EEF1AKMT2: variants seen among roughly 807,000 people sequenced by gnomAD.
The protein encoded by EEF1AKMT2 is eukaryotic translation elongation factor 1 alpha lysine methyltransferase 2.
A neutral mutation model predicts 35.8 loss-of-function variants in EEF1AKMT2; 32 were observed. The observed-to-expected ratio is 0.89, with a 90% confidence interval of 0.67 to 1.20. The LOEUF is 1.20. Among genes scored for constraint, EEF1AKMT2 ranks in the 50% most tolerant of loss-of-function variants. EEF1AKMT2 has a pLI of 0.00. For synonymous variants in EEF1AKMT2, 121 were observed against 133.7 expected, an observed-to-expected ratio of 0.91 and a Z score of 0.65; for missense variants, 330 against 347.5, an observed-to-expected ratio of 0.95 and a Z score of 0.40.
chr10:124,790,396 AATGT>A (rs1950624321), intron 1 of EEF1AKMT2, 58 bp from the exon 2 acceptor site: 1 of 1,232,046 alleles, frequency 8.1e-7, no homozygotes, highest in Non-Finnish European at 1.2e-6. Flanking sequence ...TTATGAATTA[AATGT>A]ATGTTTCTAA....
rs570264486 is a variant in EEF1AKMT2 at position 124,765,398 on chromosome 10, T to C, written c.610A>G (p.Ser204Gly). The C allele has an allele frequency of 1.4e-4, 221 of 1,613,608 alleles. 2 individuals carry two copies. In the South Asian group the frequency reaches 2.3e-3, roughly 17 times the overall value. The change falls in exon 5 of 7, where the codon AGT becomes GGT. Residue 204 changes from serine to glycine, a missense_variant. Coordinates refer to ENST00000368836, the MANE Select transcript of EEF1AKMT2 (RefSeq NM_212554.4). Reference sequence around the variant, plus strand: ...ACACCATATAGTCACTTACCTTCACTGAATTCATTTAGCAACTCTTCCTTG... The same window carrying C: ...ACACCATATAGTCACTTACCTTCACCGAATTCATTTAGCAACTCTTCCTTG... ...WTKEELLNEFSEGWSTVAGFW... is the reference protein window; with the variant it reads ...WTKEELLNEFGEGWSTVAGFW...
intron 5 of EEF1AKMT2, among the ~76,000 whole-genome samples, chr10:124,762,998 A>C (rs1439004179): frequency 3.3e-5 from 5 of 152,162 alleles, no homozygotes; most frequent in African/African-American, 4.8e-5. Context: ...TAGTGGTTGT[A>C]CTCCACTGAT....
intron 3 of EEF1AKMT2, among the ~76,000 whole-genome samples, chr10:124,787,965 T>TA (rs1950601434): frequency 6.6e-6 from 1 of 152,196 alleles, no homozygotes; most frequent in Admixed American, 6.6e-5. Flanking sequence ...ATTCCACTAC[T>TA]AAAAACATTT....
At chr10:124,774,075 C>T (rs923338609) in intron 4 of EEF1AKMT2, among the ~76,000 whole-genome samples, 4 of 152,078 alleles carry the variant, frequency 2.6e-5, no homozygotes, top group African/African-American at 9.7e-5. Flanking sequence ...CATTTAAAAC[C>T]TTTTGATGTG....
chr10:124,777,340 TAC>T (rs1293476736), intron 3 of EEF1AKMT2, among the ~76,000 whole-genome samples: 3 of 148,728 alleles, frequency 2.0e-5, no homozygotes, highest in South Asian at 2.1e-4. Flanking sequence ...ATGTAACACA[TAC>T]ACACACACAG....
At chr10:124,762,594 A>C in intron 5 of EEF1AKMT2, 36 bp from the exon 6 acceptor site, 12 of 1,062,696 alleles carry the variant, frequency 1.1e-5, no homozygotes, top group Non-Finnish European at 1.4e-5. Flanking sequence ...CGTTTCAAAA[A>C]CAGAAATAAA....
intron 4 of EEF1AKMT2, among the ~76,000 whole-genome samples, chr10:124,769,054 C>T (rs1950404541): frequency 6.7e-6 from 1 of 148,550 alleles, no homozygotes; most frequent in Non-Finnish European, 1.5e-5. Flanking sequence ...CATGACAAAA[C>T]CCCATCTCTA....
intron 2 of EEF1AKMT2, among the ~76,000 whole-genome samples, chr10:124,789,463 A>G (rs541831892): frequency 7.2e-5 from 11 of 152,332 alleles, no homozygotes; most frequent in African/African-American, 1.4e-4. Flanking sequence ...GCTGTCATCA[A>G]ACGTAAATGT....
chr10:124,762,269 A>T, intron 6 of EEF1AKMT2, 31 bp downstream of exon 6: 2 of 1,062,132 alleles, frequency 1.9e-6, no homozygotes, highest in Non-Finnish European at 2.3e-6. Flanking sequence ...TTTTGCTTTT[A>T]AAAAATAAAT....
chr10:124,772,420 CTTTTTTTTTTTT>C (rs59707540), intron 4 of EEF1AKMT2, among the ~76,000 whole-genome samples: 7 of 75,408 alleles, frequency 9.3e-5, no homozygotes, highest in East Asian at 9.9e-4. Flanking sequence ...TTTTCTTTTT[CTTTTTTTTTTTT>C]TTTTTTTTTT....
At chr10:124,757,114 T>G (rs1170484278), downstream of EEF1AKMT2, among the ~76,000 whole-genome samples, 1 of 151,326 alleles carries the variant, frequency 6.6e-6, no homozygotes, top group African/African-American at 2.4e-5. Context: ...CAGCCTTCAT[T>G]CAGTGAAATG....
chr10:124,780,679 GA>G (rs142265460), intron 3 of EEF1AKMT2, among the ~76,000 whole-genome samples: 23 of 145,676 alleles, frequency 1.6e-4, no homozygotes, highest in Non-Finnish European at 2.1e-4. Flanking sequence ...CAGTAATACA[GA>G]AAAAAAAAAT....
chr10:124,771,697 A>T (rs988879404), intron 4 of EEF1AKMT2, among the ~76,000 whole-genome samples: 5 of 151,828 alleles, frequency 3.3e-5, no homozygotes, highest in Non-Finnish European at 5.9e-5. Flanking sequence ...GTGAAACCCC[A>T]TCTCTACTAA....
chr10:124,777,512 A>T (rs926352826), intron 3 of EEF1AKMT2, among the ~76,000 whole-genome samples: 10 of 151,040 alleles, frequency 6.6e-5, no homozygotes, highest in Non-Finnish European at 1.0e-4. Flanking sequence ...GTATCTGTGT[A>T]CCTAAAGATT....
At chr10:124,782,211 G>C (rs1377691367) in intron 3 of EEF1AKMT2, among the ~76,000 whole-genome samples, 2 of 152,106 alleles carry the variant, frequency 1.3e-5, no homozygotes, top group Non-Finnish European at 2.9e-5. Context: ...AAAAACAGAG[G>C]TAAGGCCAGG....
intron 4 of EEF1AKMT2, among the ~76,000 whole-genome samples, chr10:124,771,106 T>C (rs549808475): frequency 7.2e-6 from 1 of 138,376 alleles, no homozygotes; most frequent in South Asian, 2.2e-4. Flanking sequence ...TTCTTTTTTC[T>C]TTTTTTTTTT....
intron 3 of EEF1AKMT2, among the ~76,000 whole-genome samples, chr10:124,782,804 ACT>A (rs1183771930): frequency 1.7e-5 from 2 of 116,326 alleles, no homozygotes; most frequent in African/African-American, 3.3e-5. Context: ...CATGAGTGAA[ACT>A]CTGTCTCAAA....
intron 3 of EEF1AKMT2, among the ~76,000 whole-genome samples, chr10:124,783,767 T>A (rs767887205): frequency 1.4e-4 from 22 of 152,108 alleles, no homozygotes; most frequent in Non-Finnish European, 2.6e-4. Context: ...CACTTCAGCC[T>A]CCCAAGTAGC....
Position 124,771,256 on chromosome 10 carries a change from C to G in EEF1AKMT2, c.399+3419G>C, listed in dbSNP as rs1488892586. Among the ~76,000 whole-genome samples, 23 of 152,130 alleles carry G rather than the reference C, an allele frequency of 1.5e-4. No individual in the cohort carries two copies. The South Asian group carries it at 4.8e-3, about 32-fold the overall frequency. The stretch of plus-strand genomic sequence containing the variant: ...CTGAGACTACAGGCACCTGCCACCA[C>G]ACCTGGCTAATTCTTTGTATTTTTA... On this transcript the variant is annotated intron_variant, in intron 4 of 6. Coordinates refer to ENST00000368836, the MANE Select transcript of EEF1AKMT2 (RefSeq NM_212554.4).
Sources: allele counts gnomAD v4.1 joint callset (sites outside exome capture counted in the v4.1 genomes callset), GRCh38; gene constraint gnomAD v4.1.1; transcripts MANE v1.5; gene names NCBI Gene and HGNC (gene_info 2026-07-23, HGNC 2026-07-21).